DCBLD2: variants seen among roughly 807,000 people sequenced by gnomAD.
The protein encoded by DCBLD2 is discoidin, CUB and LCCL domain-containing protein 2.
DCBLD2 carries 54 observed loss-of-function variants against 86.8 expected under a neutral mutation model. The observed-to-expected ratio is 0.62, with a 90% confidence interval of 0.50 to 0.78. The LOEUF is 0.78. DCBLD2 is among the 30% of genes least tolerant of loss of function. DCBLD2 has a pLI of 0.00. For synonymous variants in DCBLD2, 354 were observed against 341.3 expected, an observed-to-expected ratio of 1.04 and a Z score of -0.41; for missense variants, 908 against 954.2, an observed-to-expected ratio of 0.95 and a Z score of 0.64.
intron 2 of DCBLD2, among the ~76,000 whole-genome samples, chr3:98,859,542 T>A (rs1943000492): frequency 6.6e-6 from 1 of 152,092 alleles, no homozygotes; most frequent in Non-Finnish European, 1.5e-5. Flanking sequence ...AGAGGAATGA[T>A]CAGGCAGCAA....
At chr3:98,828,453 A>G in intron 3 of DCBLD2, among the ~76,000 whole-genome samples, 1 of 152,246 alleles carries the variant, frequency 6.6e-6, no homozygotes, top group South Asian at 2.1e-4. Flanking sequence ...AGGCACATAA[A>G]AAGATGCTCA....
rs1046017363 is a variant in DCBLD2, at chr3:98,901,410, G to T, written c.-84C>A. 19 of 1,229,006 alleles carry T rather than the reference G, an allele frequency of 1.5e-5. No homozygotes were observed. Among genetic ancestry groups the T allele is most frequent in the East Asian group, 1.0e-4 (3 of 29,868 alleles). The allele number at this position is 1,229,006 out of a possible 1,614,324, so 76.1% of individuals were successfully genotyped here. On this transcript the variant is annotated 5_prime_UTR_variant, in exon 1 of 16. Transcript: ENST00000326840. ...TGGCCGCGGCACCCGACCAGGAGACGGCGGCAGCGGCGGGAGAACAAGAGG... is the reference window on the plus strand; with the variant it reads ...TGGCCGCGGCACCCGACCAGGAGACTGCGGCAGCGGCGGGAGAACAAGAGG...
chr3:98,872,538 G>A (rs185060837), intron 2 of DCBLD2, among the ~76,000 whole-genome samples: 257 of 152,108 alleles, frequency 1.7e-3, no homozygotes, highest in Admixed American at 6.5e-3. Flanking sequence ...TTATTCTGTC[G>A]TAGCCACACT....
intron 6 of DCBLD2, 136 bp from the exon 7 acceptor site, chr3:98,820,424 C>T (rs989215820): frequency 1.9e-6 from 1 of 535,854 alleles, no homozygotes; most frequent in African/African-American, 2.0e-5. Context: ...AAAAATTAGA[C>T]AACTAATATT....
chr3:98,864,879 G>A lies in DCBLD2; in HGVS notation c.434-15281C>T, dbSNP rs1006771187. ...AAAAAAAGAAAAAATGTTCTGCACC[G>A]TTAAACACCAAGGAAATGAAAATAA... is the stretch of plus-strand genomic sequence containing the variant. On this transcript the variant is annotated intron_variant, in intron 2 of 15. Transcript: ENST00000326840. 1.4e-4 allele frequency among the ~76,000 whole-genome samples: 22 copies of A among 151,922 alleles called. No individual in the cohort carries two copies. The East Asian group carries it at 1.7e-3, about 12-fold the overall frequency.
chr3:98,802,999 T>C (rs558953939), intron 13 of DCBLD2, among the ~76,000 whole-genome samples: 2 of 152,304 alleles, frequency 1.3e-5, no homozygotes, highest in Admixed American at 6.5e-5. Context: ...TCCAGCTTTG[T>C]TCTTTTGGCT....
At chr3:98,885,418 T>A (rs1388617711) in intron 1 of DCBLD2, among the ~76,000 whole-genome samples, 1 of 152,018 alleles carries the variant, frequency 6.6e-6, no homozygotes, top group Non-Finnish European at 1.5e-5. Context: ...ATATACATAT[T>A]TTTTTTGCTT....
intron 2 of DCBLD2, among the ~76,000 whole-genome samples, chr3:98,877,268 G>A (rs895741699): frequency 6.6e-6 from 1 of 152,194 alleles, no homozygotes; most frequent in African/African-American, 2.4e-5. Flanking sequence ...ACATTGAAGG[G>A]CAGGTGGTGG....
intron 2 of DCBLD2, among the ~76,000 whole-genome samples, chr3:98,873,719 T>TA (rs199959821): frequency 0.04 from 6,027 of 149,800 alleles, 361 homozygotes; most frequent in African/African-American, 0.14. Flanking sequence ...GTTAACAAAG[T>TA]AAAAAAAAAA....
At chr3:98,891,482 C>T (rs1386051574) in intron 1 of DCBLD2, among the ~76,000 whole-genome samples, 1 of 152,044 alleles carries the variant, frequency 6.6e-6, no homozygotes, top group African/African-American at 2.4e-5. Flanking sequence ...TCCCCACTTT[C>T]TATCTTTTCT....
intron 2 of DCBLD2, among the ~76,000 whole-genome samples, chr3:98,869,066 A>G (rs1448720576): frequency 6.6e-6 from 1 of 152,162 alleles, no homozygotes; most frequent in Non-Finnish European, 1.5e-5. Flanking sequence ...GGTTGAACTA[A>G]TTTACATTCT....
In DCBLD2 at chr3:98,884,943, A is replaced by G. The variant is rs572792437; in HGVS notation, c.206-3176T>C. ...AGAGTACACGCAGAGTGTTAGGAGT[A>G]ATTTTTAGGTGTCTTATGCTCATGT... is the stretch of plus-strand genomic sequence containing the variant. On this transcript the variant is annotated intron_variant, in intron 1 of 15. Transcript: ENST00000326840. Among the ~76,000 whole-genome samples, 9 of 152,254 alleles carry G rather than the reference A, an allele frequency of 5.9e-5. No homozygotes were observed. The South Asian group carries it at 1.7e-3, about 28-fold the overall frequency.
intron 1 of DCBLD2, among the ~76,000 whole-genome samples, chr3:98,884,975 C>A (rs1178400760): frequency 2.6e-5 from 4 of 152,020 alleles, no homozygotes; most frequent in Non-Finnish European, 4.4e-5. Context: ...ATGTTTGATT[C>A]TCAATAAATA....
chr3:98,835,942 T>C lies in DCBLD2; in HGVS notation c.572-10576A>G, dbSNP rs13060531. On this transcript the variant is annotated intron_variant, in intron 3 of 15. Transcript: ENST00000326840. ...TCTTTCTTCCTTCCTTTCTTTCTTT[T>C]TTTTTTTTTTTAAGATTTTTAAATT... Among the ~76,000 whole-genome samples the C allele has an allele frequency of 8.3e-4, 7 of 8,390 alleles. 1 individual carries two copies. The highest frequency in any genetic ancestry group is 1.1e-3 in the African/African-American group (4 of 3,558). The allele number at this position is 8,390 out of a possible 152,430, so 5.5% of individuals were successfully genotyped here. A position where few individuals can be genotyped will look rare whatever the true frequency, so the allele number is the denominator to read the frequency against.
At chr3:98,822,438 G>C in intron 5 of DCBLD2, 77 bp from the exon 6 acceptor site, 1 of 1,505,682 alleles carries the variant, frequency 6.6e-7, no homozygotes, top group Non-Finnish European at 8.9e-7. Flanking sequence ...TACTTCCTGA[G>C]AAATCAGTTA....
chr3:98,817,367 T>C (rs1262972956), intron 9 of DCBLD2, among the ~76,000 whole-genome samples: 3 of 152,240 alleles, frequency 2.0e-5, no homozygotes, highest in Admixed American at 6.5e-5. Flanking sequence ...TTAATGCACG[T>C]TGGTTTTCAG....
intron 2 of DCBLD2, among the ~76,000 whole-genome samples, chr3:98,881,329 G>C (rs1045017557): frequency 6.6e-6 from 1 of 150,988 alleles, no homozygotes; most frequent in Non-Finnish European, 1.5e-5. Flanking sequence ...TCTTGGGCAA[G>C]GGTACCAATA....
intron 2 of DCBLD2, among the ~76,000 whole-genome samples, chr3:98,868,728 T>C (rs1335819929): frequency 2.6e-5 from 4 of 152,146 alleles, no homozygotes; most frequent in Admixed American, 2.6e-4. Context: ...CCTGAGTTAC[T>C]TTACTTAGGA....
rs1330256000 is a variant in DCBLD2, at chr3:98,797,115, A to G, written c.*2257T>C. ...AAAAGAAGTATAAAGCAGAAAAACC[A>G]TTTGAATCAGGCTCAGCTCTTCATC... On this transcript the variant is annotated 3_prime_UTR_variant, in exon 16 of 16. Transcript: ENST00000326840. 7 of 151,908 alleles carry G rather than the reference A, an allele frequency of 4.6e-5. No individual in the cohort carries two copies. The highest frequency in any genetic ancestry group is 1.5e-5 in the Non-Finnish European group (1 of 67,868). 9.4% of individuals were successfully genotyped at this position (151,908 alleles called of 1,614,324 possible).
Sources: allele counts gnomAD v4.1 joint callset (sites outside exome capture counted in the v4.1 genomes callset), GRCh38; gene constraint gnomAD v4.1.1; transcripts MANE v1.5; gene names NCBI Gene and HGNC (gene_info 2026-07-23, HGNC 2026-07-21).